TASOR2: variants seen among roughly 807,000 people sequenced by gnomAD.
The protein encoded by TASOR2 is protein TASOR 2.
Under a neutral mutation model 199.5 loss-of-function variants are expected in TASOR2, and 84 were observed. The ratio of observed to expected loss-of-function variants is 0.42; its 90% confidence interval spans 0.35 to 0.50. The LOEUF is 0.50. Among genes scored for constraint, TASOR2 ranks in the 20% least tolerant of loss-of-function variants. The pLI, the probability that TASOR2 is intolerant of heterozygous loss-of-function variation, is 0.02. For missense variants in TASOR2, 2,796 were observed against 2,835.9 expected (o/e 0.99, Z 0.32); for synonymous variants, 1,103 against 1,046.6 (o/e 1.05, Z -1.04).
intron 20 of TASOR2, 71 bp from the exon 22 acceptor site, chr10:5,762,958 C>CA (rs1252784503): frequency 6.9e-7 from 1 of 1,443,548 alleles, no homozygotes. Flanking sequence ...CCCATTAGAG[C>CA]ATCCCGCTTA....
At chr10:5,747,983 A>G (rs770660720) in exon 15 of TASOR2, 4 of 1,611,628 alleles carry the variant, frequency 2.5e-6, no homozygotes, top group Admixed American at 3.3e-5. Flanking sequence ...GTGCAGTGCT[A>G]TGGTAGGGAG....
chr10:5,763,194 T>C (rs1316613064), exon 21 of TASOR2: 8 of 623,876 alleles, frequency 1.3e-5, no homozygotes, highest in African/African-American at 3.8e-5. Context: ...TTTGCTGAAA[T>C]ATGTCACAGT....
intron 2 of TASOR2, among the ~76,000 whole-genome samples, chr10:5,717,331 T>C (rs1417814670): frequency 6.6e-6 from 1 of 152,214 alleles, no homozygotes; most frequent in Non-Finnish European, 1.5e-5. Flanking sequence ...CCTGTGGTCT[T>C]TGTGTCTGTG....
At chr10:5,688,810 C>G (rs1341618178) in intron 1 of TASOR2, among the ~76,000 whole-genome samples, 2 of 151,582 alleles carry the variant, frequency 1.3e-5, no homozygotes, top group Non-Finnish European at 2.9e-5. Context: ...TTGAGACCAG[C>G]CTGGGCAACA....
chr10:5,686,384 A>G (rs775239564), intron 1 of TASOR2, among the ~76,000 whole-genome samples: 6 of 152,214 alleles, frequency 3.9e-5, no homozygotes, highest in Non-Finnish European at 8.8e-5. Flanking sequence ...TATACTATCT[A>G]TTCAGTAAAA....
At chr10:5,726,244 A>C (rs116618428) in intron 8 of TASOR2, among the ~76,000 whole-genome samples, 41 of 152,274 alleles carry the variant, frequency 2.7e-4, no homozygotes, top group African/African-American at 9.6e-4. Context: ...CTGGGGACAA[A>C]ACTGCCCCAG....
At chr10:5,747,048 A>G (rs375311569) in exon 15 of TASOR2, 19 of 1,614,026 alleles carry the variant, frequency 1.2e-5, no homozygotes, top group Non-Finnish European at 1.6e-5. Flanking sequence ...TGGACTCATC[A>G]TCAGCCTCTA....
chr10:5,714,365 G>A (rs1832332292), intron 2 of TASOR2, 158 bp downstream of exon 3: 1 of 410,438 alleles, frequency 2.4e-6, no homozygotes, highest in Non-Finnish European at 4.1e-6. Context: ...ACATATGAAT[G>A]AGATTTGAGT....
chr10:5,709,444 A>G (rs1231228436), intron 1 of TASOR2: 2 of 865,738 alleles, frequency 2.3e-6, no homozygotes. Flanking sequence ...CCTAATACAA[A>G]TTACTCAGCG....
rs1190600163 is a variant in TASOR2, at chr10:5,698,083, T to G, written c.-288+12908T>G. The stretch of plus-strand genomic sequence containing the variant: ...TGTTCACTCCATGACCCTATGCAGT[T>G]CCTTTCATTAAAGTGACAGAGATAT... On this transcript the variant is annotated intron_variant, in intron 1 of 20. Coordinates refer to ENST00000328090, the Ensembl canonical transcript of TASOR2. This position sits in a 1 kb window ranked among gnomAD's most constrained non-coding sequence, Gnocchi z 4.4. Among the ~76,000 whole-genome samples, 1 of 152,214 alleles carries G rather than the reference T, an allele frequency of 6.6e-6. No homozygotes were observed. The highest frequency in any genetic ancestry group is 1.5e-5 in the Non-Finnish European group (1 of 68,032).
At chr10:5,724,116 CAAA>C (rs1209532867) in intron 7 of TASOR2, among the ~76,000 whole-genome samples, 2 of 152,100 alleles carry the variant, frequency 1.3e-5, no homozygotes, top group African/African-American at 4.8e-5. Flanking sequence ...CTTTTAAACT[CAAA>C]GAAAAACCAT....
At chr10:5,700,554 T>G (rs1837695824) in intron 1 of TASOR2, among the ~76,000 whole-genome samples, 1 of 152,202 alleles carries the variant, frequency 6.6e-6, no homozygotes, top group East Asian at 1.9e-4. Context: ...CTACCAGCAG[T>G]GTATAAGGGT....
chr10:5,727,212 T>A (rs1344507849), intron 10 of TASOR2, 89 bp downstream of exon 11: 5 of 1,353,054 alleles, frequency 3.7e-6, no homozygotes, highest in Non-Finnish European at 5.2e-6. Context: ...CGTGACACTG[T>A]TGACTGTTTT....
exon 15 of TASOR2, chr10:5,747,668 C>T: frequency 6.2e-7 from 1 of 1,614,168 alleles, no homozygotes; most frequent in Non-Finnish European, 8.5e-7. Context: ...GAGACACGAC[C>T]ATATCAGGCT....
chr10:5,732,968 C>CAACT (rs1835039400), intron 11 of TASOR2, among the ~76,000 whole-genome samples: 1 of 152,140 alleles, frequency 6.6e-6, no homozygotes, highest in African/African-American at 2.4e-5. Context: ...CCAGACTATA[C>CAACT]AACTATCTGT....
intron 1 of TASOR2, among the ~76,000 whole-genome samples, chr10:5,692,085 G>A (rs997263101): frequency 1.4e-5 from 2 of 144,246 alleles, no homozygotes; most frequent in Non-Finnish European, 3.0e-5. Context: ...TGAGGCAGGG[G>A]AATCGCTTGA....
chr10:5,749,506 C>G, exon 15 of TASOR2: 1 of 1,614,086 alleles, frequency 6.2e-7, no homozygotes, highest in Non-Finnish European at 8.5e-7. Context: ...GGCCCCATTT[C>G]TGCATCCTGC....
chr10:5,730,922 A>G lies in TASOR2; in HGVS notation c.923A>G (p.Glu308Gly). The change falls in exon 11 of 21, where the codon GAA (glutamate) becomes GGA (glycine). Residue 308 changes from glutamate to glycine, a missense_variant. By Grantham distance (98) the Glu-to-Gly change is moderately conservative. Coordinates refer to ENST00000328090, the Ensembl canonical transcript of TASOR2. This position sits in a 1 kb window ranked among gnomAD's most constrained non-coding sequence, Gnocchi z 4.1. ...TCCTTAGTTATGACTCCAGATCCTG[A>G]ATTTCTTGTCTCAGAGGCAGAAGTG... is the stretch of plus-strand genomic sequence containing the variant. The G allele has an allele frequency of 6.2e-7, 1 of 1,614,202 alleles. No homozygotes were observed. Among genetic ancestry groups the G allele is most frequent in the Non-Finnish European group, 8.5e-7 (1 of 1,180,034 alleles).
In TASOR2 at chr10:5,710,686, G is replaced by T. The variant is rs1831800120; in HGVS notation, c.-287-2137G>T. Among the ~76,000 whole-genome samples the T allele has an allele frequency of 6.6e-6, 1 of 152,072 alleles. No homozygotes were observed. Among genetic ancestry groups the T allele is most frequent in the African/African-American group, 2.4e-5 (1 of 41,446 alleles). On this transcript the variant is annotated intron_variant, in intron 1 of 20. Transcript: ENST00000328090. The surrounding 1 kb of genome is among the most constrained non-coding windows in gnomAD (Gnocchi z 4.6). ...TGTGCCTACCTATTAATGACTTACA[G>T]AATTTAGAGAAGTTGATAATCACAG... is the stretch of plus-strand genomic sequence containing the variant.
Sources: gnomAD v4.1 joint callset for allele counts (sites outside exome capture counted in the v4.1 genomes callset) on GRCh38, gnomAD v4.1.1 for gene constraint, Gnocchi (gnomAD v3.1) non-coding constraint, MANE v1.5 for transcripts, NCBI Gene and HGNC (gene_info 2026-07-23, HGNC 2026-07-21) for gene names.